The following MTRF1 variants were observed in gnomAD, a reference collection of about 807,000 sequenced individuals.
MTRF1 encodes the protein peptide chain release factor 1, mitochondrial.
In MTRF1, 51 loss-of-function variants were observed where a neutral mutation model predicts 62.9. That is an observed-to-expected ratio of 0.81 (90% CI 0.65 to 1.02). The LOEUF (loss-of-function observed/expected upper bound fraction) is 1.02, where lower values mean the gene tolerates loss of function less well. MTRF1 is among the 50% of genes least tolerant of loss of function. The pLI is 0.00. For synonymous variants in MTRF1, 158 were observed against 181.9 expected (o/e 0.87, Z 1.06); for missense variants, 446 against 530.0 (o/e 0.84, Z 1.56).
chr13:41,258,578 A>C (rs1287265799), intron 2 of MTRF1, among the ~76,000 whole-genome samples: 3 of 126,126 alleles, frequency 2.4e-5, no homozygotes, highest in East Asian at 1.9e-4. Context: ...AAAAAAACAA[A>C]AAAAAAAAAC....
chr13:41,286,897 C>T, the MTRF1 span, among the ~76,000 whole-genome samples: 3 of 152,090 alleles, frequency 2.0e-5, no homozygotes, highest in Non-Finnish European at 4.4e-5. Flanking sequence ...ATTATTGGTG[C>T]GTTAAATGGC....
intron 7 of MTRF1, among the ~76,000 whole-genome samples, chr13:41,230,350 T>G (rs9594500): frequency 0.016 from 2,441 of 151,752 alleles, 82 homozygotes; most frequent in African/African-American, 0.055. Flanking sequence ...CTGCAACCTC[T>G]GCCTCCCAGG....
Position 41,226,553 on chromosome 13 carries a change from C to T in MTRF1, c.1004G>A (p.Cys335Tyr). ...TTTTATCTGTGATCTTTCTTGTTGG[C>T]ATTCTACTACTAGCCCTGAAAAATA... ...VHIPTGLVVE[C>Y]QQERSQIKNK... Residue 335 changes from cysteine to tyrosine, a missense_variant, in exon 8 of 10, where the codon TGC (cysteine) becomes TAC (tyrosine). By Grantham distance (194) the Cys-to-Tyr change is radical. Transcript: ENST00000379480. 2 of 1,613,676 alleles carry T rather than the reference C, an allele frequency of 1.2e-6. No individual in the cohort carries two copies. The highest frequency in any genetic ancestry group is 1.3e-5 in the African/African-American group (1 of 75,032).
chr13:41,291,775 A>T, the MTRF1 span, among the ~76,000 whole-genome samples: 72 of 152,280 alleles, frequency 4.7e-4, no homozygotes, highest in African/African-American at 1.7e-3. Flanking sequence ...CAGATCCAAC[A>T]AATTTTTTCT....
At chr13:41,224,636 A>C (rs1231368278) in intron 8 of MTRF1, among the ~76,000 whole-genome samples, 2 of 152,220 alleles carry the variant, frequency 1.3e-5, no homozygotes, top group Admixed American at 1.3e-4. Flanking sequence ...GATCAGTTAC[A>C]TCAGAATCTC....
intron 9 of MTRF1, 39 bp from the exon 10 acceptor site, chr13:41,217,267 G>C (rs1226118443): frequency 8.6e-7 from 1 of 1,163,570 alleles, no homozygotes; most frequent in Non-Finnish European, 1.3e-6. Context: ...CTAATGATTA[G>C]AAATATAAGC....
chr13:41,298,450 T>C, the MTRF1 span, among the ~76,000 whole-genome samples: 4 of 3,258 alleles, frequency 1.2e-3, no homozygotes, highest in African/African-American at 5.1e-3. Context: ...TGCATTGTTA[T>C]ATTTTGTTCC....
chr13:41,280,617 T>C, the MTRF1 span, among the ~76,000 whole-genome samples: 1 of 152,170 alleles, frequency 6.6e-6, no homozygotes, highest in Non-Finnish European at 1.5e-5. Context: ...CATGTATTGA[T>C]TGATGTCTTA....
At chr13:41,250,882 A>G (rs999601001) in intron 5 of MTRF1, among the ~76,000 whole-genome samples, 4 of 152,290 alleles carry the variant, frequency 2.6e-5, no homozygotes, top group Middle Eastern at 3.4e-3. Flanking sequence ...ATTCCATTCA[A>G]TGGCATGAAT....
At chr13:41,251,469 G>A (rs1296312124) in intron 5 of MTRF1, among the ~76,000 whole-genome samples, 2 of 152,050 alleles carry the variant, frequency 1.3e-5, no homozygotes, top group African/African-American at 4.8e-5. Context: ...TTACTTCCCT[G>A]ACAAGCTATG....
At chr13:41,235,814 C>T (rs114886277) in intron 6 of MTRF1, 3,850 of 161,582 alleles carry the variant, frequency 0.024, 180 homozygotes, top group African/African-American at 0.088. Flanking sequence ...GTTACAGCAG[C>T]CTTTGGAAAC....
At chr13:41,238,635 G>A (rs56809767) in intron 6 of MTRF1, among the ~76,000 whole-genome samples, 8,475 of 152,168 alleles carry the variant, frequency 0.056, 281 homozygotes, top group Non-Finnish European at 0.079. Context: ...TTAAAACTAT[G>A]GATGAAAGGT....
the MTRF1 span, among the ~76,000 whole-genome samples, chr13:41,279,575 C>A: frequency 6.6e-6 from 1 of 152,014 alleles, no homozygotes; most frequent in South Asian, 2.1e-4. Context: ...TGTAGGGAGT[C>A]ATGCCCTACA....
intron 6 of MTRF1, among the ~76,000 whole-genome samples, chr13:41,239,677 C>A (rs1477116732): frequency 6.6e-6 from 1 of 152,118 alleles, no homozygotes; most frequent in Non-Finnish European, 1.5e-5. Flanking sequence ...AATATTATCT[C>A]TGGAATTCAT....
At chr13:41,288,151 C>A in the MTRF1 span, 1 of 508,224 alleles carries the variant, frequency 2.0e-6, no homozygotes, top group Admixed American at 2.1e-5. Flanking sequence ...CAGATGTATC[C>A]CATAAGCCCA....
chr13:41,302,452 C>T, the MTRF1 span, among the ~76,000 whole-genome samples: 23 of 151,780 alleles, frequency 1.5e-4, no homozygotes, highest in African/African-American at 4.6e-4. Context: ...AAGCACTCAG[C>T]GTGGCTATAT....
the MTRF1 span, among the ~76,000 whole-genome samples, chr13:41,269,199 G>GTTTTTTTTTTTTT: frequency 1.5e-5 from 1 of 68,700 alleles, no homozygotes; most frequent in Non-Finnish European, 2.9e-5. Flanking sequence ...TTTTTTTTTG[G>GTTTTTTTTTTTTT]TTTTTTTTTT....
In MTRF1 at chr13:41,260,790, G is replaced by T; in HGVS notation, c.118C>A (p.Gln40Lys). ...FRQIHLDTRL[Q>K]VFRQNRNCIL... The stretch of plus-strand genomic sequence containing the variant: ...CAATTCCTGTTTTGTCTAAAAACTT[G>T]CAGCCTTGTATCAAGATGTATCTGT... Residue 40 changes from glutamine (Q) to lysine (K), a missense_variant, in exon 2 of 10, where the codon CAA becomes AAA. By Grantham distance (53) the Gln-to-Lys change is moderately conservative. Transcript: ENST00000379480. 1 of 1,614,144 alleles carries T rather than the reference G, an allele frequency of 6.2e-7. No homozygotes were observed. Among genetic ancestry groups the T allele is most frequent in the Middle Eastern group, 1.6e-4 (1 of 6,062 alleles).
At chr13:41,277,221 C>T in the MTRF1 span, among the ~76,000 whole-genome samples, 1 of 151,810 alleles carries the variant, frequency 6.6e-6, no homozygotes, top group Admixed American at 6.6e-5. Context: ...TGGCCTCTGC[C>T]CCCAGGCTCA....
Sources: allele counts gnomAD v4.1 joint callset (sites outside exome capture counted in the v4.1 genomes callset), GRCh38; gene constraint gnomAD v4.1.1; transcripts MANE v1.5; gene names NCBI Gene and HGNC (gene_info 2026-07-23, HGNC 2026-07-21).